COL10A1: variants seen among roughly 807,000 people sequenced by gnomAD.
The protein encoded by COL10A1 is collagen type X alpha 1 chain, also known as collagen alpha-1(X) chain.
A neutral mutation model predicts 18.2 loss-of-function variants in COL10A1; 10 were observed. The ratio of observed to expected loss-of-function variants is 0.55; its 90% CI spans 0.34 to 0.93. The LOEUF (loss-of-function observed/expected upper bound fraction) is 0.93. Ranked by LOEUF, COL10A1 falls within the 40% of genes least tolerant of loss-of-function variation. The probability of loss-of-function intolerance (pLI) is 0.02; values close to 1 mark genes in which losing one functional copy is unlikely to be tolerated. For synonymous variants in COL10A1, 330 were observed against 316.6 expected (o/e 1.04, Z -0.45); for missense variants, 897 against 853.5 (o/e 1.05, Z -0.64).
chr6:116,202,605 G>C, the COL10A1 span, among the ~76,000 whole-genome samples: 1 of 151,924 alleles, frequency 6.6e-6, no homozygotes, highest in East Asian at 1.9e-4. Flanking sequence ...GTGACACTAA[G>C]TTTAGATTGA....
At chr6:116,149,140 T>C (rs1479387597) in intron 1 of COL10A1, among the ~76,000 whole-genome samples, 2 of 152,158 alleles carry the variant, frequency 1.3e-5, no homozygotes, top group Non-Finnish European at 2.9e-5. Context: ...TCAGAATATA[T>C]TTTGCCTGGC....
chr6:116,192,394 C>T, the COL10A1 span, among the ~76,000 whole-genome samples: 2 of 152,044 alleles, frequency 1.3e-5, no homozygotes, highest in African/African-American at 4.8e-5. Flanking sequence ...GCCATTTCTA[C>T]TTTAAAGGGT....
chr6:116,175,439 G>A, the COL10A1 span, among the ~76,000 whole-genome samples: 1 of 152,060 alleles, frequency 6.6e-6, no homozygotes, highest in Non-Finnish European at 1.5e-5. Context: ...GAACTTATTG[G>A]ATCTGTGTTT....
At chr6:116,167,381 T>G in the COL10A1 span, among the ~76,000 whole-genome samples, 1 of 151,904 alleles carries the variant, frequency 6.6e-6, no homozygotes, top group Non-Finnish European at 1.5e-5. Context: ...GCCGGCTAAT[T>G]TTTTGTATTT....
chr6:116,163,022 G>A (rs1441419327), upstream of COL10A1, among the ~76,000 whole-genome samples: 1 of 150,930 alleles, frequency 6.6e-6, no homozygotes, highest in Non-Finnish European at 1.5e-5. Flanking sequence ...AGCTACTCAG[G>A]AAGCTGAGGC....
At chr6:116,178,583 A>T in the COL10A1 span, among the ~76,000 whole-genome samples, 1 of 152,260 alleles carries the variant, frequency 6.6e-6, no homozygotes, top group Non-Finnish European at 1.5e-5. Context: ...AAGCCAAATT[A>T]CCAAGTGTTC....
chr6:116,173,583 T>G, the COL10A1 span, among the ~76,000 whole-genome samples: 1 of 152,170 alleles, frequency 6.6e-6, no homozygotes, highest in African/African-American at 2.4e-5. Flanking sequence ...CCTCAGGGTA[T>G]GAGGAGCTGT....
At chr6:116,125,251 G>T in intron 2 of COL10A1, 88 bp downstream of exon 2, 1 of 1,469,192 alleles carries the variant, frequency 6.8e-7, no homozygotes, top group Non-Finnish European at 9.3e-7. Context: ...TAACACCAAA[G>T]TTAAATGCAT....
intron 1 of COL10A1, among the ~76,000 whole-genome samples, chr6:116,132,987 T>G (rs1198200753): frequency 6.6e-6 from 1 of 152,120 alleles, no homozygotes; most frequent in Non-Finnish European, 1.5e-5. Flanking sequence ...AAAAGAGAAA[T>G]TCATGCATAA....
the COL10A1 span, among the ~76,000 whole-genome samples, chr6:116,201,898 A>G: frequency 6.6e-6 from 1 of 152,036 alleles, no homozygotes; most frequent in Non-Finnish European, 1.5e-5. Flanking sequence ...TTTGGATCCA[A>G]ATGCCACACT....
chr6:116,199,582 T>C, the COL10A1 span, among the ~76,000 whole-genome samples: 4 of 152,072 alleles, frequency 2.6e-5, no homozygotes, highest in Admixed American at 2.6e-4. Flanking sequence ...CCAGGGCTCC[T>C]TGGAGAAATC....
At chr6:116,184,104 C>A in the COL10A1 span, among the ~76,000 whole-genome samples, 1 of 152,008 alleles carries the variant, frequency 6.6e-6, no homozygotes, top group Admixed American at 6.6e-5. Context: ...GGGTTTTAAT[C>A]ATAAAGAGAT....
chr6:116,124,148 GT>G (rs1356618305), intron 2 of COL10A1, among the ~76,000 whole-genome samples: 2 of 151,762 alleles, frequency 1.3e-5, no homozygotes, highest in Non-Finnish European at 2.9e-5. Flanking sequence ...GTTTCCTTTT[GT>G]GAAATATTTT....
intron 1 of COL10A1, among the ~76,000 whole-genome samples, chr6:116,144,930 T>C (rs1488067373): frequency 1.3e-5 from 2 of 152,146 alleles, no homozygotes; most frequent in African/African-American, 4.8e-5. Flanking sequence ...AGTTACTGGA[T>C]TTGTTCTAAA....
chr6:116,173,702 A>G, the COL10A1 span, among the ~76,000 whole-genome samples: 5 of 152,102 alleles, frequency 3.3e-5, no homozygotes, highest in Non-Finnish European at 5.9e-5. Context: ...TGTCTTATAC[A>G]CTTTGTTTTG....
chr6:116,138,001 T>G (rs1208836024), intron 1 of COL10A1, among the ~76,000 whole-genome samples: 2 of 151,882 alleles, frequency 1.3e-5, no homozygotes, highest in African/African-American at 2.4e-5. Flanking sequence ...TCGCTTGAAC[T>G]TGGGAGGCAG....
chr6:116,178,070 TGTGTGTGTGTGTGTGTGTGCGCGCGC>T, the COL10A1 span, among the ~76,000 whole-genome samples: 514 of 110,638 alleles, frequency 4.6e-3, 15 homozygotes, highest in South Asian at 0.054. Flanking sequence ...TGTGTGTGTG[TGTGTGTGTGTGTGTGTGTGCGCGCGC>T]GCGCGCGTGC....
intron 1 of COL10A1, among the ~76,000 whole-genome samples, chr6:116,140,781 G>A (rs566895299): frequency 1.3e-5 from 2 of 152,066 alleles, no homozygotes; most frequent in South Asian, 2.1e-4. Context: ...GTAACATTGT[G>A]TTTTTGAGAT....
chr6:116,120,091 G>T lies in COL10A1; in HGVS notation c.2025C>A (p.Phe675Leu), dbSNP rs745957575. Residue 675 changes from phenylalanine to leucine, a missense_variant, in exon 3 of 3, where the codon TTC becomes TTA. Coordinates refer to ENST00000651968, the MANE Select transcript of COL10A1 (RefSeq NM_000493.4). ...SEYVHSSFSG[F>L]LVAPM ...TGTGTACTCACATTGGAGCCACTAG[G>T]AATCCTGAGAAAGAGGAGTGGACAT... is the stretch of plus-strand genomic sequence containing the variant. 1 of 1,613,938 alleles carries T rather than the reference G, an allele frequency of 6.2e-7. No individual in the cohort carries two copies. The highest frequency in any genetic ancestry group is 8.5e-7 in the Non-Finnish European group (1 of 1,179,968).
Sources: allele counts gnomAD v4.1 joint callset (sites outside exome capture counted in the v4.1 genomes callset), GRCh38; gene constraint gnomAD v4.1.1; transcripts MANE v1.5; gene names NCBI Gene and HGNC (gene_info 2026-07-23, HGNC 2026-07-21).